Variants in PIP5K1B observed in about 807,000 individuals in gnomAD.
PIP5K1B encodes phosphatidylinositol-4-phosphate 5-kinase type 1 beta, also known as phosphatidylinositol 4-phosphate 5-kinase type-1 beta.
Under a neutral mutation model 67.0 loss-of-function variants are expected in PIP5K1B, and 42 were observed. The observed-to-expected ratio is 0.63, with a 90% CI of 0.49 to 0.81. The LOEUF (loss-of-function observed/expected upper bound fraction) is 0.81. Among genes scored for constraint, PIP5K1B ranks in the 30% least tolerant of loss-of-function variants. The pLI, the probability that PIP5K1B is intolerant of heterozygous loss-of-function variation, is 0.00. For missense variants in PIP5K1B, 459 were observed against 646.3 expected, an observed-to-expected ratio of 0.71 and a Z score of 3.14; for synonymous variants, 214 against 231.4, an observed-to-expected ratio of 0.92 and a Z score of 0.68.
At position 68,799,955 on chromosome 9, in the gene PIP5K1B, G is replaced by A. The variant is rs572350054; in HGVS notation, c.-85-18506G>A. Among the ~76,000 whole-genome samples, 3 of 152,264 alleles carry A rather than the reference G, an allele frequency of 2.0e-5. No homozygotes were observed. In the South Asian group the frequency reaches 6.2e-4, roughly 32 times the overall value. ...AGAATGAAAAGGCAACTCATGGAAT[G>A]AGAGAAAATATTAACAAACTATACA... On this transcript the variant is annotated intron_variant, in intron 2 of 15. Transcript: ENST00000265382.
Position 69,008,377 on chromosome 9 carries a change from C to T in PIP5K1B, c.1621-70C>T, listed in dbSNP as rs371121924. ...TGGGAGAAATAACGAACTTATGTTG[C>T]GACTCATGGGGAGAGGTTACAAATT... On this transcript the variant is annotated intron_variant, in intron 15 of 15. Coordinates refer to ENST00000265382, the MANE Select transcript of PIP5K1B (RefSeq NM_003558.4). 7.4e-5 allele frequency: 105 copies of T among 1,412,316 alleles called. 1 individual carries two copies. The African/African-American group carries it at 1.2e-3, about 16-fold the overall frequency. The allele number at this position is 1,412,316 out of a possible 1,614,324, so 87.5% of individuals were successfully genotyped here.
At chr9:68,897,513 T>C (rs1564214689) in intron 8 of PIP5K1B, among the ~76,000 whole-genome samples, 2 of 152,098 alleles carry the variant, frequency 1.3e-5, no homozygotes, top group Admixed American at 6.6e-5. Flanking sequence ...AAGAGAACAA[T>C]AGGTATGAAA....
chr9:68,750,673 A>T (rs918921187), intron 2 of PIP5K1B, among the ~76,000 whole-genome samples: 6 of 152,206 alleles, frequency 3.9e-5, no homozygotes, highest in Non-Finnish European at 8.8e-5. Flanking sequence ...GTTCTCAATG[A>T]GTTTGCATTC....
chr9:68,816,737 A>G (rs1385705925), intron 2 of PIP5K1B, among the ~76,000 whole-genome samples: 2 of 152,200 alleles, frequency 1.3e-5, no homozygotes, highest in African/African-American at 4.8e-5. Flanking sequence ...ATCTGGGGCA[A>G]TATTCCATTT....
At chr9:68,842,439 T>C (rs755584031) in intron 4 of PIP5K1B, among the ~76,000 whole-genome samples, 15 of 152,158 alleles carry the variant, frequency 9.9e-5, no homozygotes, top group Admixed American at 3.3e-4. Flanking sequence ...AAAATGTGAG[T>C]TAAAACTGTG....
intron 5 of PIP5K1B, among the ~76,000 whole-genome samples, chr9:68,871,472 A>G (rs928842959): frequency 6.6e-5 from 10 of 152,164 alleles, no homozygotes; most frequent in African/African-American, 2.4e-4. Flanking sequence ...TGTAATTCTG[A>G]ACATACGTTG....
intron 2 of PIP5K1B, chr9:68,783,270 A>G (rs1179960429): frequency 6.0e-6 from 1 of 166,968 alleles, no homozygotes; most frequent in Non-Finnish European, 1.5e-5. Flanking sequence ...CTGTTCCAGT[A>G]TACATCTTTC....
Position 68,917,506 on chromosome 9 carries a change from G to A in PIP5K1B, c.772-42G>A, listed in dbSNP as rs749502429. ...GATAATGAGTAGATGAGACGAACAGGCCTTTGGGTTGACTGGCTTCCTGGT... is the reference window on the plus strand; with the variant it reads ...GATAATGAGTAGATGAGACGAACAGACCTTTGGGTTGACTGGCTTCCTGGT... On this transcript the variant is annotated intron_variant, in intron 8 of 15. Transcript: ENST00000265382. 3.9e-5 allele frequency: 55 copies of A among 1,406,316 alleles called. 1 individual carries two copies. The highest frequency in any genetic ancestry group is 3.0e-4 in the Admixed American group (18 of 59,556). The allele number at this position is 1,406,316 out of a possible 1,614,324, so 87.1% of individuals were successfully genotyped here.
rs986447516 is a variant in PIP5K1B at position 68,903,025 on chromosome 9, G to A, written c.771+8387G>A. On this transcript the variant is annotated intron_variant, in intron 8 of 15. Transcript: ENST00000265382. ...AAGGCCTGCGATACAGGAGTTTAACGTGTGTGTTTCTAATAATAAGCACTC... is the reference window on the plus strand; with the variant it reads ...AAGGCCTGCGATACAGGAGTTTAACATGTGTGTTTCTAATAATAAGCACTC... 5.9e-5 allele frequency among the ~76,000 whole-genome samples: 9 copies of A among 152,182 alleles called. No homozygotes were observed. In the East Asian group the frequency reaches 7.7e-4, roughly 13 times the overall value.
chr9:68,896,384 G>T (rs538745914), intron 8 of PIP5K1B, among the ~76,000 whole-genome samples: 2 of 150,714 alleles, frequency 1.3e-5, no homozygotes, highest in East Asian at 1.9e-4. Context: ...AAGAGCCATT[G>T]CTCAGGATTT....
At chr9:68,932,042 G>A (rs1177867677) in intron 12 of PIP5K1B, among the ~76,000 whole-genome samples, 4 of 152,192 alleles carry the variant, frequency 2.6e-5, no homozygotes, top group Non-Finnish European at 4.4e-5. Flanking sequence ...TTTGTTTTCC[G>A]GTCTTCTCTG....
At chr9:68,835,720 T>G (rs576932338) in intron 4 of PIP5K1B, among the ~76,000 whole-genome samples, 1 of 152,194 alleles carries the variant, frequency 6.6e-6, no homozygotes, top group African/African-American at 2.4e-5. Context: ...TAGTCCTTAT[T>G]ATTGACTATT....
chr9:68,973,168 A>C lies in PIP5K1B; in HGVS notation c.1503-17972A>C, dbSNP rs571648909. ...AAAGCCTTCCAGTGCCTGCTCCCGC[A>C]ACAGCTCAGACGTAATACAACAACC... On this transcript the variant is annotated intron_variant, in intron 14 of 15. Transcript: ENST00000265382. Among the ~76,000 whole-genome samples the C allele has an allele frequency of 2.6e-5, 4 of 152,326 alleles. No homozygotes were observed. The East Asian group carries it at 7.7e-4, about 29-fold the overall frequency.
intron 1 of PIP5K1B, among the ~76,000 whole-genome samples, chr9:68,730,095 A>C (rs1828349207): frequency 6.6e-6 from 1 of 152,216 alleles, no homozygotes; most frequent in Non-Finnish European, 1.5e-5. Context: ...TGTGAAATTA[A>C]GTGAAAAAAG....
chr9:68,934,850 A>G, intron 12 of PIP5K1B, 40 bp from the exon 13 acceptor site: 1 of 1,412,212 alleles, frequency 7.1e-7, no homozygotes, highest in Non-Finnish European at 9.6e-7. Flanking sequence ...ATGTGATTTT[A>G]CAGTAAATAT....
chr9:68,922,346 G>T (rs1314183144), intron 11 of PIP5K1B, among the ~76,000 whole-genome samples: 2 of 151,688 alleles, frequency 1.3e-5, no homozygotes, highest in African/African-American at 2.4e-5. Context: ...GCCTGTAATC[G>T]CAGCTACTGA....
At chr9:68,979,522 CTTTTTATATTTATAT>C (rs1324223154) in intron 14 of PIP5K1B, among the ~76,000 whole-genome samples, 134,963 of 151,480 alleles carry the variant, frequency 0.89, 61,121 homozygotes, top group Non-Finnish European at 0.98. Context: ...AGGAGGAACC[CTTTTTATATTTATAT>C]CCTATCACAC....
rs538915830 is a variant in PIP5K1B, at chr9:68,984,190, A to G, written c.1503-6950A>G. On this transcript the variant is annotated intron_variant, in intron 14 of 15. Transcript: ENST00000265382. Reference sequence around the variant, plus strand: ...ACTGGAGCTCTTACTCAGAAGGGTTAAGAAACTTACCCAGTATCACATACA... The same window carrying G: ...ACTGGAGCTCTTACTCAGAAGGGTTGAGAAACTTACCCAGTATCACATACA... 1.2e-4 allele frequency among the ~76,000 whole-genome samples: 19 copies of G among 152,362 alleles called. 1 individual carries two copies. In the South Asian group the frequency reaches 2.9e-3, roughly 23 times the overall value.
intron 1 of PIP5K1B, among the ~76,000 whole-genome samples, chr9:68,714,014 C>A (rs1827518065): frequency 6.6e-6 from 1 of 152,218 alleles, no homozygotes; most frequent in Non-Finnish European, 1.5e-5. Context: ...GCTTTTCTGA[C>A]TATGAAGCCC....
Sources: allele counts gnomAD v4.1 joint callset (sites outside exome capture counted in the v4.1 genomes callset), GRCh38; gene constraint gnomAD v4.1.1; transcripts MANE v1.5; gene names NCBI Gene and HGNC (gene_info 2026-07-23, HGNC 2026-07-21).